The following NCKAP5 variants were observed in gnomAD, a reference collection of about 807,000 sequenced individuals.
NCKAP5 encodes NCK associated protein 5.
In NCKAP5, 92 loss-of-function variants were observed where a neutral mutation model predicts 167.0. The ratio of observed to expected loss-of-function variants is 0.55; its 90% CI spans 0.47 to 0.66. The LOEUF is 0.66. Among genes scored for constraint, NCKAP5 ranks in the 30% least tolerant of loss-of-function variants. NCKAP5 has a pLI of 0.00. For missense variants in NCKAP5, 2,378 were observed against 2,315.0 expected, an observed-to-expected ratio of 1.03 and a Z score of -0.56; for synonymous variants, 891 against 877.4, an observed-to-expected ratio of 1.02 and a Z score of -0.27.
At chr2:133,234,999 C>T (rs1303711415) in intron 4 of NCKAP5, among the ~76,000 whole-genome samples, 1 of 148,754 alleles carries the variant, frequency 6.7e-6, no homozygotes, top group Non-Finnish European at 1.5e-5. Flanking sequence ...GACTGAGGGA[C>T]CCCATCCAAC....
chr2:132,975,657 C>T (rs2076957756), intron 7 of NCKAP5, among the ~76,000 whole-genome samples: 1 of 152,058 alleles, frequency 6.6e-6, no homozygotes, highest in East Asian at 1.9e-4. Context: ...AAATTATGTC[C>T]TTGTAGCCCA....
At chr2:132,889,552 A>T (rs1372471589) in intron 8 of NCKAP5, among the ~76,000 whole-genome samples, 1 of 152,340 alleles carries the variant, frequency 6.6e-6, no homozygotes, top group East Asian at 1.9e-4. Flanking sequence ...AACAAAAAAA[A>T]AATCAACAAA....
upstream of NCKAP5, among the ~76,000 whole-genome samples, chr2:133,572,638 C>A (rs1371238675): frequency 3.9e-5 from 6 of 152,198 alleles, no homozygotes; most frequent in Non-Finnish European, 5.9e-5. Flanking sequence ...CCTGTGTCTT[C>A]TCCTGGAGCT....
At chr2:132,699,254 A>G (rs2709537) in intron 19 of NCKAP5, among the ~76,000 whole-genome samples, 61,157 of 152,082 alleles carry the variant, frequency 0.4, 14,093 homozygotes, top group East Asian at 0.56. Context: ...GGTGTCCCAC[A>G]TAGCATGTTG....
chr2:132,713,051 C>A (rs1316258337), intron 19 of NCKAP5, among the ~76,000 whole-genome samples: 1 of 151,694 alleles, frequency 6.6e-6, no homozygotes, highest in Non-Finnish European at 1.5e-5. Flanking sequence ...TGGGAGAAAG[C>A]AAAACAAAAC....
chr2:132,924,328 G>A (rs1004851903), intron 8 of NCKAP5, among the ~76,000 whole-genome samples: 8 of 152,130 alleles, frequency 5.3e-5, no homozygotes, highest in Non-Finnish European at 7.4e-5. Flanking sequence ...TCAAAAAGAC[G>A]ATGTCGTAGA....
intron 9 of NCKAP5, among the ~76,000 whole-genome samples, chr2:132,869,251 A>G (rs1397333515): frequency 6.6e-6 from 1 of 152,178 alleles, no homozygotes; most frequent in Non-Finnish European, 1.5e-5. Flanking sequence ...TGGAAAAATG[A>G]TATCCTTTCA....
At position 133,239,157 on chromosome 2, in the gene NCKAP5, T is replaced by G. The variant is rs549404479; in HGVS notation, c.144-25378A>C. Reference sequence around the variant, plus strand: ...CCATTTAATACATTATGTGCTGGCATCTTCTAAAATATGTTCACTTATTAT... The same window carrying G: ...CCATTTAATACATTATGTGCTGGCAGCTTCTAAAATATGTTCACTTATTAT... On this transcript the variant is annotated intron_variant, in intron 4 of 19. Transcript: ENST00000409261. 2.2e-3 allele frequency among the ~76,000 whole-genome samples: 334 copies of G among 152,356 alleles called. 2 individuals are homozygous for G. Among genetic ancestry groups the G allele is most frequent in the African/African-American group, 7.6e-3 (315 of 41,590 alleles).
At chr2:133,379,845 T>A (rs1435871075) in intron 3 of NCKAP5, among the ~76,000 whole-genome samples, 1 of 152,172 alleles carries the variant, frequency 6.6e-6, no homozygotes, top group Non-Finnish European at 1.5e-5. Flanking sequence ...GTGTAAGATA[T>A]TCTGTGAGAA....
intron 9 of NCKAP5, among the ~76,000 whole-genome samples, chr2:132,871,792 G>A (rs566632564): frequency 3.4e-5 from 3 of 89,304 alleles, no homozygotes; most frequent in South Asian, 7.6e-4. Context: ...GACTCACTGC[G>A]CTTCTTTGAA....
chr2:133,021,367 A>T (rs1004062904), intron 6 of NCKAP5, among the ~76,000 whole-genome samples: 2 of 152,192 alleles, frequency 1.3e-5, no homozygotes, highest in Non-Finnish European at 2.9e-5. Context: ...GGTCCTTAGC[A>T]GGGGGAGTGG....
intron 4 of NCKAP5, among the ~76,000 whole-genome samples, chr2:133,250,486 G>T (rs2088256694): frequency 6.6e-6 from 1 of 152,168 alleles, no homozygotes; most frequent in African/African-American, 2.4e-5. Flanking sequence ...CAGCATGCAG[G>T]TGTGGTTCCT....
intron 1 of NCKAP5, among the ~76,000 whole-genome samples, chr2:133,562,567 C>G (rs1285019497): frequency 6.6e-6 from 1 of 152,196 alleles, no homozygotes; most frequent in Non-Finnish European, 1.5e-5. Context: ...TCAGAACTAA[C>G]AGCTCTTCTT....
At chr2:133,331,750 A>G (rs1369118114) in intron 3 of NCKAP5, among the ~76,000 whole-genome samples, 5 of 152,218 alleles carry the variant, frequency 3.3e-5, no homozygotes, top group Admixed American at 2.0e-4. Flanking sequence ...AAGCTGCCAG[A>G]CAAGAATGAC....
chr2:132,802,153 A>G (rs1685091552), intron 11 of NCKAP5, among the ~76,000 whole-genome samples: 1 of 152,122 alleles, frequency 6.6e-6, no homozygotes, highest in South Asian at 2.1e-4. Flanking sequence ...GAGAGAAGGG[A>G]TGCCAACAGC....
At chr2:132,753,062 C>T (rs895907271) in intron 16 of NCKAP5, among the ~76,000 whole-genome samples, 1 of 152,208 alleles carries the variant, frequency 6.6e-6, no homozygotes, top group Non-Finnish European at 1.5e-5. Flanking sequence ...AAGTTAATCT[C>T]ATCCAAACAC....
intron 10 of NCKAP5, among the ~76,000 whole-genome samples, chr2:132,864,133 G>A (rs16842727): frequency 0.28 from 43,038 of 152,018 alleles, 6,690 homozygotes; most frequent in East Asian, 0.45. Context: ...CTCTGGATAG[G>A]TGCCATAGTC....
chr2:133,304,291 G>A (rs960502905), intron 3 of NCKAP5, among the ~76,000 whole-genome samples: 41 of 152,112 alleles, frequency 2.7e-4, no homozygotes, highest in Non-Finnish European at 2.2e-4. Flanking sequence ...CTACCCATGC[G>A]GCCTTGAAAA....
At chr2:133,665,155 C>T in the NCKAP5 span, among the ~76,000 whole-genome samples, 1 of 152,224 alleles carries the variant, frequency 6.6e-6, no homozygotes, top group Admixed American at 6.5e-5. Context: ...TCATTGTCCA[C>T]TGGAGTAACA....
Sources: gnomAD v4.1 joint callset for allele counts (sites outside exome capture counted in the v4.1 genomes callset) on GRCh38, gnomAD v4.1.1 for gene constraint, MANE v1.5 for transcripts, NCBI Gene and HGNC (gene_info 2026-07-23, HGNC 2026-07-21) for gene names.